Variants in RAB38 observed in about 807,000 individuals in gnomAD.
RAB38 encodes the protein RAB38, member RAS oncogene family, also known as ras-related protein Rab-38.
In RAB38, 15 loss-of-function variants were observed where a neutral mutation model predicts 18.4. The ratio of observed to expected loss-of-function variants is 0.82; its 90% CI spans 0.55 to 1.26. The LOEUF is 1.26. Among genes scored for constraint, RAB38 ranks in the 50% most tolerant of loss-of-function variants. The probability of loss-of-function intolerance (pLI) is 0.00; values close to 1 mark genes in which losing one functional copy is unlikely to be tolerated. For synonymous variants in RAB38, 101 were observed against 104.4 expected (o/e 0.97, Z 0.20); for missense variants, 294 against 267.4 (o/e 1.10, Z -0.69).
At chr11:88,175,142 C>A in intron 1 of RAB38, 41 bp downstream of exon 1, 1 of 1,513,268 alleles carries the variant, frequency 6.6e-7, no homozygotes, top group South Asian at 1.3e-5. Context: ...AAACCGGCCG[C>A]GAGGCGCTCT....
the RAB38 span, among the ~76,000 whole-genome samples, chr11:87,944,722 T>C: frequency 6.6e-6 from 1 of 152,190 alleles, no homozygotes; most frequent in Non-Finnish European, 1.5e-5. Flanking sequence ...TTAGAGTCTT[T>C]CTGGGTCCCC....
chr11:88,162,506 T>C (rs913022357), intron 1 of RAB38, among the ~76,000 whole-genome samples: 1 of 152,134 alleles, frequency 6.6e-6, no homozygotes, highest in Admixed American at 6.6e-5. Context: ...TTTTCTGTCA[T>C]GTCTGGTCTG....
At chr11:87,878,601 T>G in the RAB38 span, among the ~76,000 whole-genome samples, 2 of 151,616 alleles carry the variant, frequency 1.3e-5, no homozygotes, top group Non-Finnish European at 3.0e-5. Flanking sequence ...TACTCCCAGT[T>G]TTAAAAAAGC....
the RAB38 span, among the ~76,000 whole-genome samples, chr11:88,060,787 G>T: frequency 1.3e-5 from 2 of 152,126 alleles, no homozygotes; most frequent in African/African-American, 4.8e-5. Context: ...TCCAAATATT[G>T]TTCCATTAAA....
the RAB38 span, among the ~76,000 whole-genome samples, chr11:88,061,219 C>G: frequency 1.3e-5 from 2 of 152,194 alleles, no homozygotes; most frequent in Non-Finnish European, 2.9e-5. Context: ...TTGAGCCATA[C>G]AGCTGTGAAG....
the RAB38 span, among the ~76,000 whole-genome samples, chr11:88,082,193 T>A: frequency 2.0e-5 from 3 of 151,854 alleles, no homozygotes; most frequent in African/African-American, 4.8e-5. Flanking sequence ...TATCTATATA[T>A]TTGCCAATGT....
chr11:87,869,220 G>A, the RAB38 span, among the ~76,000 whole-genome samples: 6 of 151,740 alleles, frequency 4.0e-5, no homozygotes, highest in Middle Eastern at 6.8e-3. Flanking sequence ...AAATCACAAG[G>A]TCAGCTACTA....
intron 2 of RAB38, among the ~76,000 whole-genome samples, chr11:88,114,632 T>C (rs557729670): frequency 6.6e-6 from 1 of 152,238 alleles, no homozygotes; most frequent in South Asian, 2.1e-4. Flanking sequence ...TACACTGTTC[T>C]GACCTCTTTG....
chr11:87,886,828 T>G, the RAB38 span, among the ~76,000 whole-genome samples: 1 of 151,252 alleles, frequency 6.6e-6, no homozygotes, highest in Non-Finnish European at 1.5e-5. Flanking sequence ...GCACTTGTTT[T>G]TTTTTTTTTT....
the RAB38 span, among the ~76,000 whole-genome samples, chr11:88,104,273 T>G: frequency 6.6e-6 from 1 of 150,872 alleles, no homozygotes; most frequent in East Asian, 2.0e-4. Flanking sequence ...CTCCTTTTAC[T>G]AGTTATTTTC....
chr11:87,819,384 G>A, the RAB38 span, among the ~76,000 whole-genome samples: 117 of 152,190 alleles, frequency 7.7e-4, no homozygotes, highest in African/African-American at 2.7e-3. Flanking sequence ...CAGATAGTGT[G>A]GAGAGATTTC....
At chr11:88,067,304 A>G in the RAB38 span, among the ~76,000 whole-genome samples, 1 of 151,892 alleles carries the variant, frequency 6.6e-6, no homozygotes, top group African/African-American at 2.4e-5. Context: ...TTTTATCTTC[A>G]TAATACTCTA....
At chr11:87,803,727 T>C in the RAB38 span, among the ~76,000 whole-genome samples, 1 of 152,206 alleles carries the variant, frequency 6.6e-6, no homozygotes, top group Admixed American at 6.5e-5. Flanking sequence ...CACAGACCTG[T>C]GAAACTACAA....
At chr11:88,174,099 G>T (rs1943346196) in intron 1 of RAB38, 1 of 985,084 alleles carries the variant, frequency 1.0e-6, no homozygotes, top group East Asian at 1.1e-4. Context: ...GAGAATCCCA[G>T]AGGACTTTAA....
Position 88,175,245 on chromosome 11 carries a change from GCGAAGTCCACGC to G in RAB38, c.128_139del (p.Gly43_Phe46del). On this transcript the variant is annotated inframe_deletion, in exon 1 of 3. Transcript: ENST00000243662. The stretch of plus-strand genomic sequence containing the variant: ...CGGGTCCCAGTGGAGCACCTTGAGC[GCGAAGTCCACGC>G]CGATTGTGGCCCGGTAGTGCGAAGA... 1 of 1,614,118 alleles carries G rather than the reference GCGAAGTCCACGC, an allele frequency of 6.2e-7. No homozygotes were observed.
the RAB38 span, among the ~76,000 whole-genome samples, chr11:88,006,873 G>A: frequency 6.6e-6 from 1 of 151,176 alleles, no homozygotes; most frequent in South Asian, 2.1e-4. Context: ...GTGGGTGATG[G>A]TTAGAGATTG....
At chr11:87,862,992 T>C in the RAB38 span, among the ~76,000 whole-genome samples, 1 of 151,936 alleles carries the variant, frequency 6.6e-6, no homozygotes, top group Non-Finnish European at 1.5e-5. Flanking sequence ...CCATCTGCAC[T>C]AATCACTGAG....
chr11:88,012,641 A>G, the RAB38 span, among the ~76,000 whole-genome samples: 4 of 152,128 alleles, frequency 2.6e-5, no homozygotes, highest in Admixed American at 1.3e-4. Context: ...TAACACAGAA[A>G]TTACATGCTC....
the RAB38 span, among the ~76,000 whole-genome samples, chr11:88,101,556 C>T: frequency 6.6e-6 from 1 of 151,750 alleles, no homozygotes; most frequent in Admixed American, 6.6e-5. Flanking sequence ...AAATACAATT[C>T]CATTTAGGCA....
Sources: gnomAD v4.1 joint callset for allele counts (sites outside exome capture counted in the v4.1 genomes callset) on GRCh38, gnomAD v4.1.1 for gene constraint, MANE v1.5 for transcripts, NCBI Gene and HGNC (gene_info 2026-07-23, HGNC 2026-07-21) for gene names.